Variants in LRP1B observed in about 807,000 individuals in gnomAD.
LRP1B encodes the protein low-density lipoprotein receptor-related protein 1B.
A neutral mutation model predicts 556.6 loss-of-function variants in LRP1B; 217 were observed. The observed-to-expected ratio is 0.39, with a 90% CI of 0.35 to 0.44. The LOEUF (loss-of-function observed/expected upper bound fraction) is 0.44, where lower values mean the gene tolerates loss of function less well. Among genes scored for constraint, LRP1B ranks in the 20% least tolerant of loss-of-function variants. LRP1B has a pLI of 1.00. For missense variants in LRP1B, 5,053 were observed against 5,620.8 expected (o/e 0.90, Z 3.23); for synonymous variants, 2,047 against 1,865.8 (o/e 1.10, Z -2.50).
Position 141,839,926 on chromosome 2 carries a change from C to T in LRP1B, c.83-29525G>A, listed in dbSNP as rs538022259. Among the ~76,000 whole-genome samples, 12 of 152,220 alleles carry T rather than the reference C, an allele frequency of 7.9e-5. No homozygotes were observed. In the South Asian group the frequency reaches 2.5e-3, roughly 32 times the overall value. ...AATAATTTAGTATTACAATAATCCA[C>T]AAACATGTGTCTTCCCAGCATTTGT... On this transcript the variant is annotated intron_variant, in intron 1 of 90. Transcript: ENST00000389484.
chr2:140,293,716 C>CTAAATTTATT (rs1449696255), intron 84 of LRP1B, among the ~76,000 whole-genome samples: 57 of 152,088 alleles, frequency 3.7e-4, no homozygotes, highest in Admixed American at 3.7e-3. Context: ...ATGTTTTTGT[C>CTAAATTTATT]AGCTGTTGAA....
At chr2:140,840,128 C>T (rs1345142658) in intron 30 of LRP1B, 43 bp from the exon 31 acceptor site, 1 of 1,099,970 alleles carries the variant, frequency 9.1e-7, no homozygotes, top group East Asian at 2.4e-5. Flanking sequence ...TAGATGTAGA[C>T]CTACTCACTG....
chr2:141,059,267 C>A (rs1699272979), intron 8 of LRP1B, among the ~76,000 whole-genome samples: 3 of 151,624 alleles, frequency 2.0e-5, no homozygotes, highest in Non-Finnish European at 4.4e-5. Flanking sequence ...AAAACAGTTC[C>A]AAATGTAGGG....
intron 3 of LRP1B, among the ~76,000 whole-genome samples, chr2:141,419,263 A>C (rs1442416357): frequency 6.6e-6 from 1 of 152,060 alleles, no homozygotes; most frequent in Non-Finnish European, 1.5e-5. Context: ...TTTTCTTGTG[A>C]TGCCTTTTCC....
chr2:141,080,778 T>C (rs1448560215), intron 7 of LRP1B, among the ~76,000 whole-genome samples: 1 of 152,218 alleles, frequency 6.6e-6, no homozygotes, highest in African/African-American at 2.4e-5. Context: ...CAGTTACCTA[T>C]GGTCAACTGC....
At chr2:141,588,987 G>C (rs899196147) in intron 2 of LRP1B, among the ~76,000 whole-genome samples, 3 of 152,118 alleles carry the variant, frequency 2.0e-5, no homozygotes, top group Non-Finnish European at 2.9e-5. Context: ...GCCACAAGTA[G>C]ACATGTTGAA....
chr2:142,057,819 G>T (rs376306604), intron 1 of LRP1B, among the ~76,000 whole-genome samples: 1 of 152,110 alleles, frequency 6.6e-6, no homozygotes, highest in South Asian at 2.1e-4. Flanking sequence ...AGCTCAAAGA[G>T]CTCCTTCTCT....
At chr2:141,518,195 A>G (rs1214425848) in intron 2 of LRP1B, among the ~76,000 whole-genome samples, 1 of 152,018 alleles carries the variant, frequency 6.6e-6, no homozygotes, top group Non-Finnish European at 1.5e-5. Flanking sequence ...AAGGCAAAGG[A>G]AAGAGCAGAG....
chr2:140,711,035 A>C (rs1183059843), intron 37 of LRP1B, among the ~76,000 whole-genome samples: 7 of 152,082 alleles, frequency 4.6e-5, no homozygotes, highest in African/African-American at 1.4e-4. Flanking sequence ...AAAATAGAAG[A>C]GAATGATTTT....
intron 2 of LRP1B, among the ~76,000 whole-genome samples, chr2:141,783,962 A>G (rs1695342700): frequency 6.6e-6 from 1 of 151,884 alleles, no homozygotes; most frequent in African/African-American, 2.4e-5. Flanking sequence ...TAAAAAGTCA[A>G]TCTCTTGAAA....
chr2:141,960,188 A>T (rs1701361770), intron 1 of LRP1B, among the ~76,000 whole-genome samples: 1 of 136,748 alleles, frequency 7.3e-6, no homozygotes. Flanking sequence ...TTTGGATAAG[A>T]TGTAATTTGG....
chr2:140,292,360 CT>C (rs1417900019), intron 84 of LRP1B, among the ~76,000 whole-genome samples: 2 of 152,154 alleles, frequency 1.3e-5, no homozygotes, highest in Non-Finnish European at 2.9e-5. Context: ...TGTGATTTCT[CT>C]TGCCAGCTCT....
At chr2:140,953,113 T>C (rs778892665) in intron 18 of LRP1B, among the ~76,000 whole-genome samples, 10 of 152,144 alleles carry the variant, frequency 6.6e-5, no homozygotes, top group Non-Finnish European at 1.3e-4. Context: ...GTTTTTGATA[T>C]GGAGTCTCAC....
At chr2:142,001,706 T>C (rs1702660343) in intron 1 of LRP1B, among the ~76,000 whole-genome samples, 1 of 152,200 alleles carries the variant, frequency 6.6e-6, no homozygotes, top group Admixed American at 6.5e-5. Flanking sequence ...ATCTAAAATA[T>C]GCATTGGTTT....
intron 2 of LRP1B, among the ~76,000 whole-genome samples, chr2:141,505,735 A>G (rs557324008): frequency 2.6e-5 from 4 of 152,218 alleles, no homozygotes; most frequent in African/African-American, 9.6e-5. Flanking sequence ...GTTTTCTGAG[A>G]CTTAGTAACA....
intron 63 of LRP1B, among the ~76,000 whole-genome samples, chr2:140,446,285 GA>G (rs1686657189): frequency 6.6e-6 from 1 of 152,054 alleles, no homozygotes; most frequent in Non-Finnish European, 1.5e-5. Flanking sequence ...AAATAACTTG[GA>G]AGCCCATCTG....
At chr2:140,798,994 C>T (rs1690413946) in intron 32 of LRP1B, among the ~76,000 whole-genome samples, 1 of 152,092 alleles carries the variant, frequency 6.6e-6, no homozygotes, top group Non-Finnish European at 1.5e-5. Flanking sequence ...CTGTAAATAA[C>T]AGTTACTGAT....
intron 86 of LRP1B, 66 bp from the exon 87 acceptor site, chr2:140,247,228 T>C (rs1681205104): frequency 9.0e-7 from 1 of 1,107,088 alleles, no homozygotes; most frequent in Non-Finnish European, 1.4e-6. Flanking sequence ...TCAGCTAATG[T>C]AGTAACTTTA....
chr2:140,900,309 A>T (rs2033290), intron 23 of LRP1B, among the ~76,000 whole-genome samples: 3 of 152,190 alleles, frequency 2.0e-5, no homozygotes, highest in Non-Finnish European at 2.9e-5. Flanking sequence ...GCCAATTCTC[A>T]TGTGAAATAT....
Sources: allele counts gnomAD v4.1 joint callset (sites outside exome capture counted in the v4.1 genomes callset), GRCh38; gene constraint gnomAD v4.1.1; transcripts MANE v1.5; gene names NCBI Gene and HGNC (gene_info 2026-07-23, HGNC 2026-07-21).